CLSPN: variants seen among roughly 807,000 people sequenced by gnomAD.
The protein encoded by CLSPN is claspin homolog.
A neutral mutation model predicts 156.3 loss-of-function variants in CLSPN; 85 were observed. That is an observed-to-expected ratio of 0.54 (90% CI 0.46 to 0.65). The LOEUF (loss-of-function observed/expected upper bound fraction) is 0.65. Ranked by LOEUF, CLSPN falls within the 30% of genes least tolerant of loss-of-function variation. The pLI is 0.00. For synonymous variants in CLSPN, 534 were observed against 542.4 expected (o/e 0.98, Z 0.22); for missense variants, 1,407 against 1,554.9 (o/e 0.90, Z 1.60).
chr1:35,760,121 C>T (rs1415369118), intron 8 of CLSPN, among the ~76,000 whole-genome samples: 1 of 152,148 alleles, frequency 6.6e-6, no homozygotes, highest in Non-Finnish European at 1.5e-5. Context: ...CGTAAGCCAC[C>T]GCACCCAGCC....
chr1:35,768,579 A>AT (rs11461895), intron 1 of CLSPN, among the ~76,000 whole-genome samples: 19,623 of 144,956 alleles, frequency 0.14, 2,995 homozygotes, highest in East Asian at 0.7. Flanking sequence ...CGCCCGGCTA[A>AT]TTTTTTTTTT....
chr1:35,769,673 G>A (rs1161341951), intron 1 of CLSPN, among the ~76,000 whole-genome samples, 174 bp downstream of exon 1: 1 of 152,190 alleles, frequency 6.6e-6, no homozygotes, highest in East Asian at 1.9e-4. Context: ...CGGGATGCCC[G>A]GTCGGAACCC....
At chr1:35,721,149 G>C (rs1019517850) in intron 24 of CLSPN, among the ~76,000 whole-genome samples, 23 of 152,162 alleles carry the variant, frequency 1.5e-4, no homozygotes, top group Non-Finnish European at 8.8e-5. Context: ...AAAGAATGCT[G>C]ATTACTACAA....
chr1:35,724,694 T>G (rs985815569), intron 24 of CLSPN, among the ~76,000 whole-genome samples: 1 of 152,200 alleles, frequency 6.6e-6, no homozygotes, highest in South Asian at 2.1e-4. Flanking sequence ...AATAACATAG[T>G]GGTGAACATT....
At position 35,747,000 on chromosome 1, in the gene CLSPN, C is replaced by T. The variant is rs141763864; in HGVS notation, c.2628-8G>A. The T allele has an allele frequency of 9.3e-6, 15 of 1,606,306 alleles. No homozygotes were observed. The African/African-American group carries it at 1.7e-4, about 19-fold the overall frequency. On this transcript the variant is annotated splice_polypyrimidine_tract_variant and splice_region_variant and intron_variant, in intron 14 of 24. Transcript: ENST00000318121. This position sits in a 1 kb window ranked among gnomAD's most constrained non-coding sequence, Gnocchi z 4.2. The stretch of plus-strand genomic sequence containing the variant: ...TTTCTAACATTTAAGAACCTAAGAA[C>T]CAATGAGCACAACGAATAGTGTAAA...
intron 24 of CLSPN, chr1:35,721,127 C>T: frequency 1.7e-6 from 1 of 598,818 alleles, no homozygotes; most frequent in South Asian, 2.1e-5. Flanking sequence ...GAATTTCTTT[C>T]ACCGACAATT....
chr1:35,738,649 A>G, intron 20 of CLSPN, 67 bp from the exon 21 acceptor site: 1 of 1,517,494 alleles, frequency 6.6e-7, no homozygotes, highest in Non-Finnish European at 9.0e-7. Flanking sequence ...GGACAGACAA[A>G]AAATAAACCC....
chr1:35,765,602 C>T (rs566596576), intron 1 of CLSPN, among the ~76,000 whole-genome samples: 1 of 151,992 alleles, frequency 6.6e-6, no homozygotes, highest in African/African-American at 2.4e-5. Flanking sequence ...TCTGTGTGAA[C>T]TGTTCCCCAA....
chr1:35,760,656 G>A lies in CLSPN; in HGVS notation c.1265C>T (p.Pro422Leu), dbSNP rs377636098. Reference protein sequence around the residue: ...KQKQSDIRPSPGDSSVLQQES... With the variant: ...KQKQSDIRPSLGDSSVLQQES... ...CTGTTGCAACACTGAGCTGTCCCCA[G>A]GTGAAGGTCTAATGTCACTCTGCTT... Residue 422 changes from proline to leucine, a missense_variant, in exon 8 of 25, where the codon CCT (proline) becomes CTT (leucine). Pro to Leu is a moderately conservative substitution (Grantham distance 98, BLOSUM62 -3). This residue lies in a region of CLSPN where 1,096 missense variants were observed against 1,193.0 expected (regional missense o/e 0.92). Transcript: ENST00000318121. 1.2e-6 allele frequency: 2 copies of A among 1,614,148 alleles called. No individual in the cohort carries two copies. Among genetic ancestry groups the A allele is most frequent in the Non-Finnish European group, 1.7e-6 (2 of 1,180,030 alleles).
intron 1 of CLSPN, among the ~76,000 whole-genome samples, chr1:35,769,633 G>T (rs186291320): frequency 6.6e-6 from 1 of 152,184 alleles, no homozygotes; most frequent in African/African-American, 2.4e-5. Flanking sequence ...CGGCCACGGA[G>T]CCCGAAGCGC....
intron 22 of CLSPN, 132 bp from the exon 23 acceptor site, chr1:35,737,553 T>G (rs1477191266): frequency 4.7e-6 from 3 of 644,416 alleles, no homozygotes; most frequent in Non-Finnish European, 8.0e-6. Flanking sequence ...TATATAATGG[T>G]GACTTTCAAA....
At chr1:35,752,582 G>GA (rs58271996) in intron 9 of CLSPN, among the ~76,000 whole-genome samples, 1,319 of 67,818 alleles carry the variant, frequency 0.019, 29 homozygotes, top group African/African-American at 0.062. Flanking sequence ...TGTCTTAGAG[G>GA]AAAAAAAAAA....
chr1:35,727,677 C>T (rs912380672), downstream of CLSPN, among the ~76,000 whole-genome samples: 2 of 152,196 alleles, frequency 1.3e-5, no homozygotes, highest in Non-Finnish European at 2.9e-5. Context: ...TTCATGGATT[C>T]ATTCATTCAA....
chr1:35,753,408 C>G (rs61378380), intron 9 of CLSPN, among the ~76,000 whole-genome samples: 28,146 of 151,802 alleles, frequency 0.19, 4,138 homozygotes, highest in East Asian at 0.71. Flanking sequence ...GTTTAAATTA[C>G]ATATACATAT....
At chr1:35,741,859 G>C (rs1641702681) in intron 18 of CLSPN, among the ~76,000 whole-genome samples, 2 of 150,428 alleles carry the variant, frequency 1.3e-5, no homozygotes, top group Non-Finnish European at 2.9e-5. Context: ...TATATTCCCA[G>C]CTACTCAGGA....
chr1:35,759,028 C>A (rs1435389216), intron 8 of CLSPN, among the ~76,000 whole-genome samples: 1 of 152,186 alleles, frequency 6.6e-6, no homozygotes, highest in African/African-American at 2.4e-5. Context: ...AAATCCTGGT[C>A]TTGCTACAAA....
At position 35,745,581 on chromosome 1, in the gene CLSPN, A is replaced by T; in HGVS notation, c.2855-19T>A. 1 of 1,501,648 alleles carries T rather than the reference A, an allele frequency of 6.7e-7. No individual in the cohort carries two copies. The highest frequency in any genetic ancestry group is 2.3e-5 in the East Asian group (1 of 44,366). 93.0% of individuals were successfully genotyped at this position (1,501,648 alleles called of 1,614,324 possible). A position where few individuals can be genotyped will look rare whatever the true frequency, so the allele number is the denominator to read the frequency against. Reference sequence around the variant, plus strand: ...GAGGCATCTACATCACAACAAGGAAAAGATGTGTCACCAAGGAATGATAGC... The same window carrying T: ...GAGGCATCTACATCACAACAAGGAATAGATGTGTCACCAAGGAATGATAGC... On this transcript the variant is annotated intron_variant, in intron 15 of 24. Transcript: ENST00000318121.
intron 16 of CLSPN, among the ~76,000 whole-genome samples, chr1:35,743,877 C>T (rs543687758): frequency 5.3e-5 from 8 of 152,282 alleles, no homozygotes; most frequent in Admixed American, 1.3e-4. Context: ...TTGCCTTGGG[C>T]TCCCAAAGTA....
At chr1:35,769,735 C>A in intron 1 of CLSPN, 112 bp downstream of exon 1, 1 of 1,042,758 alleles carries the variant, frequency 9.6e-7, no homozygotes, top group Non-Finnish European at 1.3e-6. Flanking sequence ...ACGCCGGGAG[C>A]CGCAGTCCTC....
Sources: gnomAD v4.1 joint callset for allele counts (sites outside exome capture counted in the v4.1 genomes callset) on GRCh38, gnomAD v4.1.1 for gene constraint, gnomAD v4.1.1 regional missense constraint, Gnocchi (gnomAD v3.1) non-coding constraint, MANE v1.5 for transcripts, NCBI Gene and HGNC (gene_info 2026-07-23, HGNC 2026-07-21) for gene names.